Variants in ZBTB46 observed in about 807,000 individuals in gnomAD.
The protein encoded by ZBTB46 is zinc finger and BTB domain containing 46.
A neutral mutation model predicts 44.1 loss-of-function variants in ZBTB46; 8 were observed. That is an observed-to-expected ratio of 0.18 (90% CI 0.11 to 0.33). The LOEUF is 0.33. Ranked by LOEUF, ZBTB46 falls within the 10% of genes least tolerant of loss-of-function variation. ZBTB46 has a pLI of 1.00. For synonymous variants in ZBTB46, 409 were observed against 382.3 expected (o/e 1.07, Z -0.81); for missense variants, 651 against 847.7 (o/e 0.77, Z 2.88).
In ZBTB46 at chr20:63,752,953, C is replaced by T; in HGVS notation, c.1223-92G>A. ...ACGGCTGCACGCCGCAGCCCAGCAGCCAGGACGGGCTGTCTCCCACGGCCA... is the reference window on the plus strand; with the variant it reads ...ACGGCTGCACGCCGCAGCCCAGCAGTCAGGACGGGCTGTCTCCCACGGCCA... On this transcript the variant is annotated intron_variant, in intron 3 of 4. Transcript: ENST00000245663. The surrounding 1 kb of genome is among the most constrained non-coding windows in gnomAD (Gnocchi z 5.6). 7.1e-7 allele frequency: 1 copy of T among 1,413,856 alleles called. No individual in the cohort carries two copies. Among genetic ancestry groups the T allele is most frequent in the Non-Finnish European group, 9.5e-7 (1 of 1,057,458 alleles). 87.6% of individuals were successfully genotyped at this position (1,413,856 alleles called of 1,614,324 possible). A position where few individuals can be genotyped will look rare whatever the true frequency, so the allele number is the denominator to read the frequency against.
At chr20:63,766,676 G>A (rs1328324859) in intron 3 of ZBTB46, among the ~76,000 whole-genome samples, 3 of 152,196 alleles carry the variant, frequency 2.0e-5, no homozygotes, top group Admixed American at 6.5e-5. Flanking sequence ...AGCAGAGCGC[G>A]GTCACCTTTG....
intron 1 of ZBTB46, among the ~76,000 whole-genome samples, chr20:63,801,816 C>T (rs572187338): frequency 1.3e-5 from 2 of 152,286 alleles, no homozygotes; most frequent in South Asian, 2.1e-4. Flanking sequence ...CCCACCAATT[C>T]CAGACACAAT....
intron 1 of ZBTB46, among the ~76,000 whole-genome samples, chr20:63,795,054 G>A (rs576755815): frequency 6.6e-6 from 1 of 152,322 alleles, no homozygotes; most frequent in African/African-American, 2.4e-5. Flanking sequence ...GGGCACCCGC[G>A]GCTGCACTGA....
At chr20:63,778,763 C>T (rs1004414336) in intron 2 of ZBTB46, among the ~76,000 whole-genome samples, 1 of 152,188 alleles carries the variant, frequency 6.6e-6, no homozygotes, top group Non-Finnish European at 1.5e-5. Flanking sequence ...ACAAATCCCT[C>T]GATGACACAT....
At chr20:63,785,224 C>A (rs376423916) in intron 2 of ZBTB46, among the ~76,000 whole-genome samples, 48 of 96,926 alleles carry the variant, frequency 5.0e-4, no homozygotes, top group South Asian at 8.1e-4. Context: ...GAGCGAGACT[C>A]AAAAAAAAAA....
At position 63,744,078 on chromosome 20, in the gene ZBTB46, C is replaced by G. The variant is rs1259931386; in HGVS notation, c.*2852G>C. On this transcript the variant is annotated 3_prime_UTR_variant, in exon 5 of 5. Coordinates refer to ENST00000245663, the MANE Select transcript of ZBTB46 (RefSeq NM_001369741.1). ...CACAGCACCCTCACTACAAGTAGTT[C>G]TAAAAGGGCTGCATACAAAACACAA... is the stretch of plus-strand genomic sequence containing the variant. 1 of 152,348 alleles carries G rather than the reference C, an allele frequency of 6.6e-6. No individual in the cohort carries two copies. The highest frequency in any genetic ancestry group is 1.5e-5 in the Non-Finnish European group (1 of 68,016). The allele number at this position is 152,348 out of a possible 1,614,324, so 9.4% of individuals were successfully genotyped here.
intron 1 of ZBTB46, among the ~76,000 whole-genome samples, chr20:63,812,049 G>A (rs1341266774): frequency 4.6e-5 from 7 of 151,732 alleles, no homozygotes; most frequent in Non-Finnish European, 7.3e-5. Flanking sequence ...CCAAAGTGGC[G>A]GCGATCTTTT....
At chr20:63,826,068 A>G (rs1156387440) in intron 1 of ZBTB46, among the ~76,000 whole-genome samples, 6 of 152,246 alleles carry the variant, frequency 3.9e-5, no homozygotes. Context: ...ATCTCCACAG[A>G]GGAGCACCGA....
intron 3 of ZBTB46, among the ~76,000 whole-genome samples, chr20:63,768,985 T>C (rs1341676822): frequency 6.6e-6 from 1 of 152,210 alleles, no homozygotes; most frequent in Non-Finnish European, 1.5e-5. Context: ...CAATTCAACT[T>C]CATACAACCT....
intron 1 of ZBTB46, among the ~76,000 whole-genome samples, chr20:63,820,501 A>G (rs1260256219): frequency 1.3e-5 from 2 of 151,306 alleles, no homozygotes; most frequent in Admixed American, 1.3e-4. Flanking sequence ...CAGTGGTGCA[A>G]TCTCGGCTCA....
intron 1 of ZBTB46, among the ~76,000 whole-genome samples, chr20:63,817,638 C>G (rs1339520816): frequency 6.7e-6 from 1 of 149,830 alleles, no homozygotes; most frequent in Non-Finnish European, 1.5e-5. Flanking sequence ...ATCGCTTAAA[C>G]CTGGGAGGTG....
intron 1 of ZBTB46, among the ~76,000 whole-genome samples, chr20:63,791,697 G>A (rs1036122608): frequency 6.6e-6 from 1 of 151,538 alleles, no homozygotes; most frequent in Non-Finnish European, 1.5e-5. Context: ...CAGGCCCTGC[G>A]GCTGCCAGCG....
chr20:63,833,627 A>C (rs941634881), upstream of ZBTB46, among the ~76,000 whole-genome samples: 1 of 152,170 alleles, frequency 6.6e-6, no homozygotes, highest in African/African-American at 2.4e-5. Flanking sequence ...GAGTTCTAGA[A>C]TGAACGGGGC....
chr20:63,772,001 C>CTTTTTT (rs11473575), intron 3 of ZBTB46, among the ~76,000 whole-genome samples: 1 of 138,846 alleles, frequency 7.2e-6, no homozygotes, highest in African/African-American at 2.7e-5. Context: ...AGGGCAAATT[C>CTTTTTT]TTTTTTTTTT....
At chr20:63,827,439 C>G (rs1489975609) in intron 1 of ZBTB46, among the ~76,000 whole-genome samples, 1 of 151,798 alleles carries the variant, frequency 6.6e-6, no homozygotes, top group Admixed American at 6.6e-5. Flanking sequence ...AACCCCGTCT[C>G]TACTAAAAAT....
chr20:63,771,292 A>G (rs2092369370), intron 3 of ZBTB46, among the ~76,000 whole-genome samples: 1 of 151,998 alleles, frequency 6.6e-6, no homozygotes, highest in Admixed American at 6.6e-5. Flanking sequence ...CTACGCCACA[A>G]GCTGCAATGA....
At chr20:63,758,718 T>A (rs987852969) in intron 3 of ZBTB46, among the ~76,000 whole-genome samples, 3 of 142,882 alleles carry the variant, frequency 2.1e-5, no homozygotes, top group Non-Finnish European at 4.5e-5. Flanking sequence ...ATATATCAAC[T>A]TAAGGAGAGT....
In ZBTB46 at chr20:63,790,597, C is replaced by T; in HGVS notation, c.161G>A (p.Arg54His). Reference sequence around the variant, plus strand: ...CTGGCAGTAGAGCGTCTTGAAGTAGCGGCTGCTGCCCAGCAGGACGTTCTT... The same window carrying T: ...CTGGCAGTAGAGCGTCTTGAAGTAGTGGCTGCTGCCCAGCAGGACGTTCTT... ...AHKNVLLGSS[R>H]YFKTLYCQVQ... is the part of the protein sequence containing the mutation. Residue 54 changes from arginine (R) to histidine (H), a missense_variant, in exon 2 of 5, where the codon CGC becomes CAC. Around this residue, in one of 5 missense-constraint regions of ZBTB46, gnomAD observed 65 missense variants for 167.9 expected, o/e 0.39. Coordinates refer to ENST00000245663, the MANE Select transcript of ZBTB46 (RefSeq NM_001369741.1). 3 of 1,612,378 alleles carry T rather than the reference C, an allele frequency of 1.9e-6. No individual in the cohort carries two copies. The highest frequency in any genetic ancestry group is 2.5e-6 in the Non-Finnish European group (3 of 1,180,046).
chr20:63,822,295 C>T, intron 1 of ZBTB46, among the ~76,000 whole-genome samples: 1 of 152,190 alleles, frequency 6.6e-6, no homozygotes, highest in East Asian at 1.9e-4. Flanking sequence ...TTCCTGAGTT[C>T]AAGCGCCCTG....
Sources: gnomAD v4.1 joint callset for allele counts (sites outside exome capture counted in the v4.1 genomes callset) on GRCh38, gnomAD v4.1.1 for gene constraint, gnomAD v4.1.1 regional missense constraint, Gnocchi (gnomAD v3.1) non-coding constraint, MANE v1.5 for transcripts, NCBI Gene and HGNC (gene_info 2026-07-23, HGNC 2026-07-21) for gene names.